The following ANXA8 variants were observed in gnomAD, a reference collection of about 807,000 sequenced individuals.
ANXA8 encodes VAC-beta.
ANXA8 carries 9 observed loss-of-function variants against 26.8 expected under a neutral mutation model. The ratio of observed to expected loss-of-function variants is 0.34; its 90% confidence interval spans 0.20 to 0.59. ANXA8 has a LOEUF of 0.59. Ranked by LOEUF, ANXA8 falls within the 20% of genes least tolerant of loss-of-function variation. The probability of loss-of-function intolerance (pLI) is 0.84; values close to 1 mark genes in which losing one functional copy is unlikely to be tolerated. For synonymous variants in ANXA8, 39 were observed against 94.8 expected (o/e 0.41, Z 3.42); for missense variants, 83 against 238.5 (o/e 0.35, Z 4.29).
chr10:47,696,001 G>A, the ANXA8 span, among the ~76,000 whole-genome samples: 7 of 151,672 alleles, frequency 4.6e-5, no homozygotes, highest in Non-Finnish European at 1.0e-4. Flanking sequence ...ATAGTAGAAG[G>A]GACCAGTGCA....
the ANXA8 span, among the ~76,000 whole-genome samples, chr10:47,666,426 A>C: frequency 2.9e-4 from 44 of 151,528 alleles, no homozygotes; most frequent in African/African-American, 1.1e-3. Context: ...CTTAAGCTTT[A>C]CAACAGTCCT....
the ANXA8 span, among the ~76,000 whole-genome samples, chr10:47,772,629 C>T: frequency 2.0e-5 from 3 of 151,968 alleles, no homozygotes; most frequent in Non-Finnish European, 2.9e-5. Flanking sequence ...TTAGGCAACT[C>T]GCCCAAGGTC....
chr10:47,733,217 CTTTCTCTTTCTTTCTCT>C, the ANXA8 span, among the ~76,000 whole-genome samples: 7 of 71,358 alleles, frequency 9.8e-5, no homozygotes, highest in African/African-American at 3.3e-4. Context: ...TTCTTTCTTT[CTTTCTCTTTCTTTCTCT>C]CTTTCTTTCT....
At chr10:47,540,445 C>A in the ANXA8 span, among the ~76,000 whole-genome samples, 1 of 127,772 alleles carries the variant, frequency 7.8e-6, no homozygotes, top group African/African-American at 2.8e-5. Context: ...AAAAAAAAAT[C>A]TAATTTTAGA....
At chr10:47,627,319 T>G in the ANXA8 span, among the ~76,000 whole-genome samples, 1 of 150,256 alleles carries the variant, frequency 6.7e-6, no homozygotes, top group East Asian at 1.9e-4. Flanking sequence ...TACTTAGTCT[T>G]TCTGGCATAA....
At chr10:47,979,931 T>A in the ANXA8 span, among the ~76,000 whole-genome samples, 2 of 152,064 alleles carry the variant, frequency 1.3e-5, no homozygotes, top group Non-Finnish European at 2.9e-5. Flanking sequence ...AGACTTCTGA[T>A]CTTCAGAACC....
the ANXA8 span, among the ~76,000 whole-genome samples, chr10:47,765,947 C>T: frequency 6.7e-6 from 1 of 149,894 alleles, no homozygotes; most frequent in Non-Finnish European, 1.5e-5. Flanking sequence ...CCCTCCTTCT[C>T]CACTGCTCAT....
chr10:47,627,996 T>G, the ANXA8 span, among the ~76,000 whole-genome samples: 1 of 150,276 alleles, frequency 6.7e-6, no homozygotes, highest in Non-Finnish European at 1.5e-5. Context: ...AGTAAAAAAC[T>G]TATACCTCAA....
chr10:47,577,511 A>C, the ANXA8 span, among the ~76,000 whole-genome samples: 1 of 139,092 alleles, frequency 7.2e-6, no homozygotes, highest in Non-Finnish European at 1.5e-5. Context: ...TCTACAAAAT[A>C]TAAATTAAAA....
the ANXA8 span, among the ~76,000 whole-genome samples, chr10:47,702,733 A>G: frequency 6.6e-6 from 1 of 151,718 alleles, no homozygotes; most frequent in Non-Finnish European, 1.5e-5. Flanking sequence ...TCCTGGGCTC[A>G]AGCCAGCCTC....
chr10:47,663,954 ATT>A, the ANXA8 span, among the ~76,000 whole-genome samples: 1 of 148,400 alleles, frequency 6.7e-6, no homozygotes, highest in Admixed American at 6.7e-5. Context: ...AAGGGATCAA[ATT>A]TTTTTTTAGA....
At chr10:47,655,612 G>C in the ANXA8 span, among the ~76,000 whole-genome samples, 116 of 151,972 alleles carry the variant, frequency 7.6e-4, no homozygotes, top group South Asian at 2.1e-3. Flanking sequence ...AAGATTGAAC[G>C]GGAGGAGCAG....
the ANXA8 span, among the ~76,000 whole-genome samples, chr10:47,979,892 T>C: frequency 1.3e-5 from 2 of 152,152 alleles, no homozygotes; most frequent in African/African-American, 4.8e-5. Flanking sequence ...ACCACACAGA[T>C]TCCTATTTTT....
At chr10:47,747,141 G>C in the ANXA8 span, among the ~76,000 whole-genome samples, 1 of 150,224 alleles carries the variant, frequency 6.7e-6, no homozygotes, top group Non-Finnish European at 1.5e-5. Context: ...TTCAGGAAAC[G>C]TGCTGATTTT....
the ANXA8 span, among the ~76,000 whole-genome samples, chr10:47,688,371 T>C: frequency 1.3e-5 from 2 of 149,606 alleles, no homozygotes; most frequent in Non-Finnish European, 3.0e-5. Context: ...CACCTCGGCC[T>C]CCCAAAGTGC....
the ANXA8 span, among the ~76,000 whole-genome samples, chr10:47,735,110 C>G: frequency 4.0e-5 from 6 of 150,940 alleles, no homozygotes; most frequent in South Asian, 2.1e-4. Context: ...TTTTGTTTTG[C>G]CTTTTTTGAG....
At chr10:47,894,395 AC>A in the ANXA8 span, among the ~76,000 whole-genome samples, 1 of 68,854 alleles carries the variant, frequency 1.5e-5, no homozygotes, top group Non-Finnish European at 3.5e-5. Context: ...CACACACCAC[AC>A]ACACACACCA....
At chr10:47,899,624 C>T in the ANXA8 span, among the ~76,000 whole-genome samples, 2 of 45,506 alleles carry the variant, frequency 4.4e-5, 1 homozygote, top group East Asian at 5.7e-4. Flanking sequence ...ATTCTCCTGC[C>T]TCAGCCTCCC....
the ANXA8 span, among the ~76,000 whole-genome samples, chr10:47,524,432 TCCACCTC>T: frequency 3.2e-5 from 3 of 93,308 alleles, no homozygotes; most frequent in Non-Finnish European, 6.4e-5. Context: ...CCATCCTGCC[TCCACCTC>T]CTTCTCCATA....
Sources: gnomAD v4.1 joint callset for allele counts (sites outside exome capture counted in the v4.1 genomes callset) on GRCh38, gnomAD v4.1.1 for gene constraint, MANE v1.5 for transcripts, NCBI Gene and HGNC (gene_info 2026-07-23, HGNC 2026-07-21) for gene names.